The following PRKCA variants were observed in gnomAD, a reference collection of about 807,000 sequenced individuals.
PRKCA encodes protein kinase C alpha, also known as protein kinase C alpha type.
In PRKCA, 27 loss-of-function variants were observed where a neutral mutation model predicts 87.0. The observed-to-expected ratio is 0.31, with a 90% confidence interval of 0.23 to 0.43. PRKCA has a LOEUF of 0.43. PRKCA is among the 20% of genes least tolerant of loss of function. The probability of loss-of-function intolerance (pLI) is 1.00; values close to 1 mark genes in which losing one functional copy is unlikely to be tolerated. For synonymous variants in PRKCA, 329 were observed against 311.1 expected (o/e 1.06, Z -0.61); for missense variants, 518 against 852.3 (o/e 0.61, Z 4.88).
intron 2 of PRKCA, among the ~76,000 whole-genome samples, chr17:66,336,571 T>TC (rs1184889602): frequency 8.0e-6 from 1 of 125,516 alleles, no homozygotes; most frequent in Non-Finnish European, 1.9e-5. Flanking sequence ...TTGCTCTTTT[T>TC]CCCCCTCTCC....
chr17:66,697,943 G>A (rs1157511057), intron 8 of PRKCA, among the ~76,000 whole-genome samples: 2 of 152,178 alleles, frequency 1.3e-5, no homozygotes, highest in African/African-American at 4.8e-5. Context: ...CAAACAGGAG[G>A]CTCTTAGCAC....
chr17:66,550,240 C>G (rs1968284409), intron 3 of PRKCA, among the ~76,000 whole-genome samples: 1 of 152,198 alleles, frequency 6.6e-6, no homozygotes, highest in South Asian at 2.1e-4. Flanking sequence ...CCAGCATTCT[C>G]TCACAAAGGC....
At chr17:66,661,012 G>A (rs1327308227) in intron 5 of PRKCA, among the ~76,000 whole-genome samples, 1 of 152,160 alleles carries the variant, frequency 6.6e-6, no homozygotes, top group Non-Finnish European at 1.5e-5. Context: ...ACGCAAGGGT[G>A]GGAATGCCTT....
intron 8 of PRKCA, among the ~76,000 whole-genome samples, chr17:66,727,492 G>A (rs953738257): frequency 6.6e-6 from 1 of 152,158 alleles, no homozygotes; most frequent in Non-Finnish European, 1.5e-5. Context: ...GGTGAAACTG[G>A]GTCAAATCCA....
chr17:66,376,481 G>T (rs890347691), intron 2 of PRKCA, among the ~76,000 whole-genome samples: 1 of 152,098 alleles, frequency 6.6e-6, no homozygotes, highest in African/African-American at 2.4e-5. Context: ...GGTGGTGGGC[G>T]CCTGTAAGTC....
chr17:66,688,897 A>G, intron 7 of PRKCA, 54 bp from the exon 8 acceptor site: 2 of 1,148,118 alleles, frequency 1.7e-6, no homozygotes, highest in Non-Finnish European at 2.6e-6. Flanking sequence ...TAGAGGCTGC[A>G]GGAAAGGCTT....
At position 66,420,002 on chromosome 17, in the gene PRKCA, CTTTTTTT is replaced by C. The variant is rs558522698; in HGVS notation, c.206-76183_206-76177del. Among the ~76,000 whole-genome samples, 385 of 113,692 alleles carry C rather than the reference CTTTTTTT, an allele frequency of 3.4e-3. 3 individuals carry two copies. The highest frequency in any genetic ancestry group is 0.012 in the African/African-American group (362 of 31,276). The allele number at this position is 113,692 out of a possible 152,430, so 74.6% of individuals were successfully genotyped here. ...AACAAACCCCATTCTGGGTTGTGTT[CTTTTTTT>C]TTTTTTTTTTTTTTTAAATATGAGA... On this transcript the variant is annotated intron_variant, in intron 2 of 16. Coordinates refer to ENST00000413366, the MANE Select transcript of PRKCA (RefSeq NM_002737.3).
At chr17:66,506,302 A>G (rs527313742) in intron 3 of PRKCA, among the ~76,000 whole-genome samples, 1 of 152,276 alleles carries the variant, frequency 6.6e-6, no homozygotes, top group African/African-American at 2.4e-5. Context: ...TCTAAAAAAA[A>G]AAAAAATTAT....
chr17:66,535,694 A>T (rs977597984), intron 3 of PRKCA, among the ~76,000 whole-genome samples: 2 of 152,146 alleles, frequency 1.3e-5, no homozygotes, highest in Non-Finnish European at 2.9e-5. Context: ...TCTGAATCCT[A>T]GTGGGATCTC....
At chr17:66,740,942 T>C (rs1423242328) in intron 11 of PRKCA, among the ~76,000 whole-genome samples, 1 of 152,128 alleles carries the variant, frequency 6.6e-6, no homozygotes, top group Non-Finnish European at 1.5e-5. Flanking sequence ...TCATTAGAGA[T>C]TTTTTTTCCT....
chr17:66,648,517 C>T (rs1330868329), intron 5 of PRKCA, among the ~76,000 whole-genome samples: 3 of 152,072 alleles, frequency 2.0e-5, no homozygotes, highest in African/African-American at 4.8e-5. Context: ...ATTTAAATGG[C>T]ACATGCGGAG....
intron 2 of PRKCA, among the ~76,000 whole-genome samples, chr17:66,480,537 A>G (rs1287594370): frequency 6.6e-6 from 1 of 152,214 alleles, no homozygotes; most frequent in Non-Finnish European, 1.5e-5. Flanking sequence ...AAGTTTCCGC[A>G]TGTATTTGTC....
chr17:66,748,526 G>A (rs888590837), intron 13 of PRKCA, among the ~76,000 whole-genome samples: 4 of 152,170 alleles, frequency 2.6e-5, no homozygotes, highest in African/African-American at 9.7e-5. Context: ...GAGGGCAAAT[G>A]TTCATGAAGT....
chr17:66,588,771 A>T, intron 3 of PRKCA, among the ~76,000 whole-genome samples: 1 of 149,050 alleles, frequency 6.7e-6, no homozygotes, highest in Admixed American at 6.8e-5. Flanking sequence ...CTCCTGAGTA[A>T]CTGGGATTAC....
At chr17:66,383,961 AATTGTTTTTGATGAAGCC>A (rs1458167524) in intron 2 of PRKCA, among the ~76,000 whole-genome samples, 2 of 152,106 alleles carry the variant, frequency 1.3e-5, no homozygotes, top group African/African-American at 4.8e-5. Context: ...AAAAAAAAAA[AATTGTTTTTGATGAAGCC>A]ATTAATGTTA....
At chr17:66,525,822 A>T (rs1335141670) in intron 3 of PRKCA, among the ~76,000 whole-genome samples, 1 of 151,940 alleles carries the variant, frequency 6.6e-6, no homozygotes, top group East Asian at 1.9e-4. Flanking sequence ...GCCACTCCAT[A>T]CTCTTCTTCC....
At chr17:66,392,285 G>A (rs955016911) in intron 2 of PRKCA, among the ~76,000 whole-genome samples, 1 of 151,642 alleles carries the variant, frequency 6.6e-6, no homozygotes, top group East Asian at 1.9e-4. Context: ...TGGGAGTACA[G>A]AGTGGGAAAA....
intron 2 of PRKCA, among the ~76,000 whole-genome samples, chr17:66,370,228 CTTTT>C (rs35851942): frequency 0.051 from 5,734 of 112,162 alleles, 133 homozygotes; most frequent in Middle Eastern, 0.1. Context: ...TATTTTGATA[CTTTT>C]TTTTTTTTTT....
chr17:66,302,784 G>GCCCCCCCCC lies in PRKCA; in HGVS notation c.-63_-62insCCCCCCCCC. On this transcript the variant is annotated 5_prime_UTR_variant, in exon 1 of 17. Transcript: ENST00000413366. ...CCCGAGCCCGCACCTCTCCCCCGCC[G>GCCCCCCCCC]CCCCCGCCCACCCGGCCCTCCGCGG... is the stretch of plus-strand genomic sequence containing the variant. 6 of 1,354,476 alleles carry GCCCCCCCCC rather than the reference G, an allele frequency of 4.4e-6. No individual in the cohort carries two copies. Among genetic ancestry groups the GCCCCCCCCC allele is most frequent in the Non-Finnish European group, 4.8e-6 (5 of 1,034,856 alleles). The allele number at this position is 1,354,476 out of a possible 1,614,324, so 83.9% of individuals were successfully genotyped here. A position where few individuals can be genotyped will look rare whatever the true frequency, so the allele number is the denominator to read the frequency against.
Sources: allele counts gnomAD v4.1 joint callset (sites outside exome capture counted in the v4.1 genomes callset), GRCh38; gene constraint gnomAD v4.1.1; transcripts MANE v1.5; gene names NCBI Gene and HGNC (gene_info 2026-07-23, HGNC 2026-07-21).